SCN9A: variants seen among roughly 807,000 people sequenced by gnomAD.
SCN9A encodes sodium voltage-gated channel alpha subunit 9, also known as sodium channel protein type 9 subunit alpha.
SCN9A carries 131 observed loss-of-function variants against 187.0 expected under a neutral mutation model. The observed-to-expected ratio is 0.70, with a 90% CI of 0.61 to 0.81. The LOEUF (loss-of-function observed/expected upper bound fraction) is 0.81. Ranked by LOEUF, SCN9A falls within the 30% of genes least tolerant of loss-of-function variation. SCN9A has a pLI of 0.00. For missense variants in SCN9A, 2,252 were observed against 2,396.6 expected (o/e 0.94, Z 1.26); for synonymous variants, 809 against 808.6 (o/e 1.00, Z -0.01).
At chr2:166,233,294 AC>A in intron 21 of SCN9A, 45 bp downstream of exon 21, 4 of 1,339,480 alleles carry the variant, frequency 3.0e-6, no homozygotes, top group Non-Finnish European at 4.0e-6. Context: ...TATATTTTAA[AC>A]CCCATTAAAA....
At chr2:166,214,322 C>A (rs1694226040) in intron 24 of SCN9A, among the ~76,000 whole-genome samples, 1 of 152,020 alleles carries the variant, frequency 6.6e-6, no homozygotes, top group South Asian at 2.1e-4. Context: ...CCAACTTCCC[C>A]ATGGAAACCA....
intron 24 of SCN9A, among the ~76,000 whole-genome samples, chr2:166,220,176 C>G (rs76044827): frequency 0.012 from 1,767 of 152,138 alleles, 32 homozygotes; most frequent in African/African-American, 0.04. Flanking sequence ...ATCACATGAT[C>G]ATCAGAAGAG....
chr2:166,231,362 C>T (rs558064459), intron 21 of SCN9A, among the ~76,000 whole-genome samples: 2 of 152,044 alleles, frequency 1.3e-5, no homozygotes, highest in South Asian at 4.1e-4. Flanking sequence ...TACTTGGAAA[C>T]CGTTATACAC....
intron 2 of SCN9A, among the ~76,000 whole-genome samples, chr2:166,310,969 T>C (rs1187121599): frequency 1.0e-5 from 1 of 99,342 alleles, no homozygotes; most frequent in Non-Finnish European, 2.1e-5. Flanking sequence ...CAATTGGAAA[T>C]CATCATTCTC....
At chr2:166,372,499 C>T (rs1024781832) in intron 1 of SCN9A, among the ~76,000 whole-genome samples, 1 of 152,092 alleles carries the variant, frequency 6.6e-6, no homozygotes, top group African/African-American at 2.4e-5. Context: ...GATTTGGAGT[C>T]ACTTATAACC....
At chr2:166,337,072 G>A (rs1044314006) in intron 1 of SCN9A, among the ~76,000 whole-genome samples, 1 of 152,038 alleles carries the variant, frequency 6.6e-6, no homozygotes, top group African/African-American at 2.4e-5. Context: ...CAGAAAGATC[G>A]GTTACCAAGT....
intron 26 of SCN9A, among the ~76,000 whole-genome samples, chr2:166,201,690 A>G (rs1175796207): frequency 6.7e-6 from 1 of 150,212 alleles, no homozygotes; most frequent in Non-Finnish European, 1.5e-5. Context: ...TCTATACTAT[A>G]TACATAGTAT....
At chr2:166,225,720 G>T (rs1694818661) in intron 24 of SCN9A, among the ~76,000 whole-genome samples, 1 of 152,136 alleles carries the variant, frequency 6.6e-6, no homozygotes. Context: ...GGAGTGGAGT[G>T]GGCTCTTAAT....
At chr2:166,203,320 A>G (rs1357067420) in intron 26 of SCN9A, among the ~76,000 whole-genome samples, 1 of 151,880 alleles carries the variant, frequency 6.6e-6, no homozygotes, top group Non-Finnish European at 1.5e-5. Context: ...ACTTTGCAAG[A>G]TATGTGAAAA....
intron 11 of SCN9A, 35 bp from the exon 12 acceptor site, chr2:166,284,859 G>A: frequency 1.9e-6 from 3 of 1,540,938 alleles, no homozygotes; most frequent in Non-Finnish European, 2.6e-6. Context: ...GGTTGCTGAA[G>A]CACCTACTGA....
rs761433427 is a variant in SCN9A at position 166,204,244 on chromosome 2, A to G, written c.4504-19T>C. On this transcript the variant is annotated intron_variant, in intron 25 of 26. Transcript: ENST00000642356. ...TTTTGTTCTGCAAAGAAATAAGAAT[A>G]ATATCGAATGCAGAGTAAACTTTTC... 5.6e-6 allele frequency: 9 copies of G among 1,602,628 alleles called. No homozygotes were observed. In the Admixed American group the frequency reaches 1.5e-4, roughly 27 times the overall value.
At chr2:166,342,503 G>T (rs1699809906) in intron 1 of SCN9A, among the ~76,000 whole-genome samples, 1 of 152,072 alleles carries the variant, frequency 6.6e-6, no homozygotes, top group South Asian at 2.1e-4. Flanking sequence ...GGCTTAAACT[G>T]TTTTTTAAAG....
chr2:166,253,929 T>G (rs1201223125), intron 17 of SCN9A, among the ~76,000 whole-genome samples: 2 of 151,846 alleles, frequency 1.3e-5, no homozygotes, highest in East Asian at 3.9e-4. Context: ...GATTCTTATT[T>G]GCAGAATTCT....
chr2:166,304,704 A>G (rs181572301), intron 5 of SCN9A, among the ~76,000 whole-genome samples: 4 of 152,132 alleles, frequency 2.6e-5, no homozygotes, highest in African/African-American at 9.7e-5. Context: ...TCATAAAAAA[A>G]TCCAAATAGA....
intron 1 of SCN9A, 75 bp from the exon 2 acceptor site, chr2:166,311,881 A>C: frequency 1.2e-6 from 1 of 823,270 alleles, no homozygotes; most frequent in Non-Finnish European, 1.8e-6. Context: ...AATAATAACA[A>C]CATAAACAGA....
intron 22 of SCN9A, 91 bp downstream of exon 22, chr2:166,228,600 A>T: frequency 8.2e-7 from 1 of 1,222,230 alleles, no homozygotes; most frequent in Non-Finnish European, 1.1e-6. Flanking sequence ...TTTATCTTCA[A>T]TTTATAATTA....
At chr2:166,239,284 T>A (rs187557052) in intron 19 of SCN9A, among the ~76,000 whole-genome samples, 2 of 150,778 alleles carry the variant, frequency 1.3e-5, no homozygotes, top group African/African-American at 4.9e-5. Flanking sequence ...TCTCAACAGG[T>A]CTAAAGTGTT....
chr2:166,335,942 TAAC>T (rs1368946701), intron 1 of SCN9A, among the ~76,000 whole-genome samples: 1 of 152,092 alleles, frequency 6.6e-6, no homozygotes, highest in Non-Finnish European at 1.5e-5. Context: ...GAATGCAGAA[TAAC>T]AACAATTACA....
chr2:166,276,974 G>A lies in SCN9A; in HGVS notation c.2874+9C>T. 1 of 1,604,752 alleles carries A rather than the reference G, an allele frequency of 6.2e-7. No individual in the cohort carries two copies. The highest frequency in any genetic ancestry group is 1.7e-5 in the Admixed American group (1 of 59,818). ...AGAAATTAAAATGCATGAACATCTG[G>A]TTACATACCACCAGGTTTCCAATGA... On this transcript the variant is annotated intron_variant, in intron 16 of 26. Coordinates refer to ENST00000642356, the MANE Select transcript of SCN9A (RefSeq NM_001365536.1).
Sources: allele counts gnomAD v4.1 joint callset (sites outside exome capture counted in the v4.1 genomes callset), GRCh38; gene constraint gnomAD v4.1.1; transcripts MANE v1.5; gene names NCBI Gene and HGNC (gene_info 2026-07-23, HGNC 2026-07-21).